The following EIF2A variants were observed in gnomAD, a reference collection of about 807,000 sequenced individuals.
EIF2A encodes 65 kDa eukaryotic translation initiation factor 2A.
EIF2A carries 62 observed loss-of-function variants against 75.2 expected under a neutral mutation model. The ratio of observed to expected loss-of-function variants is 0.82; its 90% CI spans 0.67 to 1.02. The LOEUF is 1.02. EIF2A is among the 50% of genes least tolerant of loss of function. EIF2A has a pLI of 0.00. For synonymous variants in EIF2A, 207 were observed against 239.0 expected (o/e 0.87, Z 1.23); for missense variants, 611 against 677.7 (o/e 0.90, Z 1.09).
chr3:150,583,649 C>T (rs971626131), intron 13 of EIF2A, among the ~76,000 whole-genome samples, 197 bp from the exon 14 acceptor site: 1 of 152,108 alleles, frequency 6.6e-6, no homozygotes, highest in African/African-American at 2.4e-5. Flanking sequence ...CAAAGGGATG[C>T]AGTAAGACAG....
chr3:150,578,728 A>G (rs1725012269), intron 11 of EIF2A, among the ~76,000 whole-genome samples: 1 of 152,162 alleles, frequency 6.6e-6, no homozygotes, highest in African/African-American at 2.4e-5. Context: ...TTCAGTATGT[A>G]TTTTGGGGAC....
rs1216843644 is a variant in EIF2A, at chr3:150,583,909, T to C, written c.1756T>C (p.Ter586GlnextTer19). Residue 586 changes from the stop codon to glutamine, a stop_lost, in exon 14 of 14, where the codon TAA (stop) becomes CAA (glutamine). Coordinates refer to ENST00000460851, the MANE Select transcript of EIF2A (RefSeq NM_032025.5). ...QELEDLELGI[*>Q] ...GCTGGAAGATTTGGAATTGGGTATT[T>C]AAAGATTCACGGAAAGCAAGTTGAT... The C allele has an allele frequency of 6.2e-7, 1 of 1,613,458 alleles. No homozygotes were observed. Among genetic ancestry groups the C allele is most frequent in the Non-Finnish European group, 8.5e-7 (1 of 1,179,676 alleles).
At chr3:150,552,686 C>A in intron 2 of EIF2A, 1 of 273,136 alleles carries the variant, frequency 3.7e-6, no homozygotes, top group East Asian at 6.9e-5. Flanking sequence ...TAATTGAATA[C>A]AAGCCTTTAT....
intron 3 of EIF2A, 102 bp from the exon 4 acceptor site, chr3:150,562,440 T>A: frequency 1.1e-6 from 1 of 884,862 alleles, no homozygotes; most frequent in Non-Finnish European, 1.7e-6. Context: ...AAAGTCAACA[T>A]TTTGGAGTGA....
chr3:150,575,747 G>A lies in EIF2A; in HGVS notation c.1482G>A (p.Lys494=). ...ALKNQRKHEA[K]KAAKQEARSD... Reference sequence around the variant, plus strand: ...AAAATCAAAGGAAGCATGAAGCTAAGAAAGCTGCAAAGCAGGTATTTGGGG... The same window carrying A: ...AAAATCAAAGGAAGCATGAAGCTAAAAAAGCTGCAAAGCAGGTATTTGGGG... The change falls in exon 11 of 14, where the codon AAG becomes AAA. Residue 494 remains lysine, a synonymous_variant. Transcript: ENST00000460851. The A allele has an allele frequency of 6.2e-7, 1 of 1,611,086 alleles. No individual in the cohort carries two copies. Among genetic ancestry groups the A allele is most frequent in the Non-Finnish European group, 8.5e-7 (1 of 1,178,704 alleles).
rs1724302114 is a variant in EIF2A, at chr3:150,568,281, T to TAC, written c.801_802insCA (p.Val268GlnfsTer13). The TAC allele has an allele frequency of 1.2e-6, 2 of 1,610,680 alleles. No homozygotes were observed. Among genetic ancestry groups the TAC allele is most frequent in the Non-Finnish European group, 1.7e-6 (2 of 1,178,756 alleles). On this transcript the variant is annotated frameshift_variant, in exon 9 of 14. Transcript: ENST00000460851. LOFTEE classifies it high-confidence loss of function. ...ATTGCAACAAATGGAGAAAGTGCTG[T>TAC]AGTGCAATTACGTGAGTATTCCAGC... is the stretch of plus-strand genomic sequence containing the variant.
intron 10 of EIF2A, among the ~76,000 whole-genome samples, chr3:150,572,855 CAAAA>C (rs774758560): frequency 9.8e-6 from 1 of 102,000 alleles, no homozygotes. Context: ...GACTCCGTCT[CAAAA>C]AAAAAAAAAA....
chr3:150,552,847 T>G (rs1723382520), intron 2 of EIF2A: 1 of 152,698 alleles, frequency 6.5e-6, no homozygotes, highest in Admixed American at 6.5e-5. Context: ...AGATTAATTT[T>G]TTTTTCCCCA....
At chr3:150,549,385 A>G (rs1723208925) in intron 1 of EIF2A, among the ~76,000 whole-genome samples, 1 of 151,824 alleles carries the variant, frequency 6.6e-6, no homozygotes, top group Admixed American at 6.6e-5. Flanking sequence ...CGCCCAGCTA[A>G]TTTTGTATTT....
chr3:150,577,479 T>C (rs1351613959), intron 11 of EIF2A, among the ~76,000 whole-genome samples: 1 of 152,138 alleles, frequency 6.6e-6, no homozygotes, highest in African/African-American at 2.4e-5. Flanking sequence ...TAACTAGGAC[T>C]GTACATGTAC....
At chr3:150,576,622 A>G (rs1724888840) in intron 11 of EIF2A, among the ~76,000 whole-genome samples, 1 of 152,190 alleles carries the variant, frequency 6.6e-6, no homozygotes, top group African/African-American at 2.4e-5. Flanking sequence ...GTATTATGTA[A>G]GCATGTTACT....
At chr3:150,571,592 G>C (rs1296011873) in intron 9 of EIF2A, among the ~76,000 whole-genome samples, 2 of 152,110 alleles carry the variant, frequency 1.3e-5, no homozygotes, top group African/African-American at 4.8e-5. Context: ...GGGCCACAAA[G>C]TAAGATCCCA....
chr3:150,557,907 T>A (rs1269525103), intron 2 of EIF2A, among the ~76,000 whole-genome samples: 3 of 152,226 alleles, frequency 2.0e-5, no homozygotes, highest in Admixed American at 6.5e-5. Flanking sequence ...TCTCATGTTG[T>A]GACTACACTA....
In EIF2A at chr3:150,568,045, AG is replaced by A. The variant is rs1191028334; in HGVS notation, c.694+1del. On this transcript the variant is annotated frameshift_variant and splice_region_variant, in exon 8 of 14. Transcript: ENST00000460851. LOFTEE classifies it high-confidence loss of function. ...DKVTMLWNKK[A>X]TAVLVIASTD... ...AAGTTACAATGCTGTGGAATAAAAA[AG>A]GTATGTTAAGTATATTTTATCCCTC... The A allele has an allele frequency of 2.5e-6, 4 of 1,606,634 alleles. No homozygotes were observed. Among genetic ancestry groups the A allele is most frequent in the Non-Finnish European group, 3.4e-6 (4 of 1,177,692 alleles).
At chr3:150,566,025 C>A (rs9823447) in intron 6 of EIF2A, 48,837 of 151,674 alleles carry the variant, frequency 0.32, 8,150 homozygotes, top group East Asian at 0.49. Context: ...GAGCTCCCGA[C>A]CTCAGGTGAT....
At chr3:150,558,657 C>A in intron 3 of EIF2A, 195 bp downstream of exon 3, 1 of 363,884 alleles carries the variant, frequency 2.7e-6, no homozygotes. Flanking sequence ...ACTTGTTTAT[C>A]TAGTTACTTA....
intron 2 of EIF2A, chr3:150,557,690 C>A: frequency 2.6e-6 from 1 of 391,188 alleles, no homozygotes; most frequent in African/African-American, 2.2e-5. Flanking sequence ...TGAGCCATTG[C>A]ACCATGAGAA....
At chr3:150,547,396 T>C (rs1486569205) in intron 1 of EIF2A, among the ~76,000 whole-genome samples, 1 of 152,180 alleles carries the variant, frequency 6.6e-6, no homozygotes, top group Non-Finnish European at 1.5e-5. Flanking sequence ...TCTAGCAACA[T>C]TTGATTTTGA....
intron 2 of EIF2A, among the ~76,000 whole-genome samples, chr3:150,553,490 C>G: frequency 6.6e-6 from 1 of 151,982 alleles, no homozygotes; most frequent in East Asian, 1.9e-4. Flanking sequence ...CTTAATGCAA[C>G]CTCTGCCCCC....
Sources: gnomAD v4.1 joint callset for allele counts (sites outside exome capture counted in the v4.1 genomes callset) on GRCh38, gnomAD v4.1.1 for gene constraint, MANE v1.5 for transcripts, NCBI Gene and HGNC (gene_info 2026-07-23, HGNC 2026-07-21) for gene names.